The following BTG4 variants were observed in gnomAD, a reference collection of about 807,000 sequenced individuals.
BTG4 encodes the protein BTG anti-proliferation factor 4, also known as protein BTG4.
In BTG4, 10 loss-of-function variants were observed where a neutral mutation model predicts 19.3. The observed-to-expected ratio is 0.52, with a 90% CI of 0.32 to 0.88. The LOEUF is 0.88. BTG4 is among the 40% of genes least tolerant of loss of function. The pLI is 0.04. For synonymous variants in BTG4, 91 were observed against 95.7 expected (o/e 0.95, Z 0.29); for missense variants, 238 against 281.9 (o/e 0.84, Z 1.11).
the BTG4 span, among the ~76,000 whole-genome samples, chr11:111,411,440 A>T: frequency 3.3e-5 from 5 of 152,318 alleles, no homozygotes; most frequent in African/African-American, 1.2e-4. Flanking sequence ...CACTGAGCAG[A>T]TGTTGTCTTA....
chr11:111,513,120 G>C (rs532685999), upstream of BTG4: 98 of 403,158 alleles, frequency 2.4e-4, no homozygotes, highest in African/African-American at 1.9e-3. Flanking sequence ...CGTGGGTCCT[G>C]CGCAGCCTGC....
At chr11:111,456,570 G>A in the BTG4 span, 8 of 456,342 alleles carry the variant, frequency 1.8e-5, 1 homozygote, top group South Asian at 1.2e-4. This position sits in a 1 kb window ranked among gnomAD's most constrained non-coding sequence, Gnocchi z 4.2. Context: ...TCACCAAGTT[G>A]ATGGTCCCTG....
At chr11:111,475,477 A>G (rs1389405313) in intron 5 of BTG4, 10 of 151,280 alleles carry the variant, frequency 6.6e-5, no homozygotes, top group Admixed American at 6.6e-4. Flanking sequence ...TATATATATA[A>G]TATTTGGTGA....
the BTG4 span, among the ~76,000 whole-genome samples, chr11:111,406,637 G>A: frequency 0.013 from 1,913 of 152,284 alleles, 32 homozygotes; most frequent in African/African-American, 0.042. Context: ...AGCCCATTTA[G>A]TTGGACCAGA....
At chr11:111,472,033 G>C (rs1864097111) in intron 5 of BTG4, among the ~76,000 whole-genome samples, 1 of 152,096 alleles carries the variant, frequency 6.6e-6, no homozygotes, top group Non-Finnish European at 1.5e-5. Flanking sequence ...GGCCACCATT[G>C]CCTCTTGCCC....
chr11:111,404,967 T>C, the BTG4 span, among the ~76,000 whole-genome samples: 2 of 152,240 alleles, frequency 1.3e-5, no homozygotes, highest in African/African-American at 4.8e-5. Flanking sequence ...ATACAGACCA[T>C]AATCCTGCTT....
At chr11:111,430,979 G>T in the BTG4 span, among the ~76,000 whole-genome samples, 1 of 152,202 alleles carries the variant, frequency 6.6e-6, no homozygotes, top group Non-Finnish European at 1.5e-5. Context: ...CAGTCACCAC[G>T]TATACAAAAG....
At chr11:111,412,030 C>T in the BTG4 span, among the ~76,000 whole-genome samples, 5 of 152,096 alleles carry the variant, frequency 3.3e-5, no homozygotes, top group Non-Finnish European at 5.9e-5. Flanking sequence ...GAGAAGGCAA[C>T]GGTGTCAAAT....
chr11:111,401,053 T>TAAAAAAA, the BTG4 span: 51 of 82,078 alleles, frequency 6.2e-4, no homozygotes, highest in African/African-American at 1.8e-3. Context: ...ACCTGGAGCA[T>TAAAAAAA]AAAAAAAAAA....
chr11:111,411,532 C>G, the BTG4 span, among the ~76,000 whole-genome samples: 1 of 152,176 alleles, frequency 6.6e-6, no homozygotes, highest in Non-Finnish European at 1.5e-5. Flanking sequence ...AATCCCTTAA[C>G]GTGCTTTCTT....
At chr11:111,421,211 G>A in the BTG4 span, among the ~76,000 whole-genome samples, 1 of 152,172 alleles carries the variant, frequency 6.6e-6, no homozygotes, top group Non-Finnish European at 1.5e-5. Flanking sequence ...CTATCTAAAG[G>A]GTTTTTATCT....
chr11:111,446,755 C>A, the BTG4 span, among the ~76,000 whole-genome samples: 1 of 152,058 alleles, frequency 6.6e-6, no homozygotes, highest in Non-Finnish European at 1.5e-5. Flanking sequence ...TCTGGACAAA[C>A]AAAGGCAAAG....
At chr11:111,457,724 C>T in the BTG4 span, 1 of 152,248 alleles carries the variant, frequency 6.6e-6, no homozygotes, top group Non-Finnish European at 1.5e-5. Context: ...TCCCTCTCCC[C>T]CTCCTCCTTC....
At chr11:111,506,921 C>CTGTAGA (rs1555119448) in intron 1 of BTG4, among the ~76,000 whole-genome samples, 1 of 151,868 alleles carries the variant, frequency 6.6e-6, no homozygotes, top group Non-Finnish European at 1.5e-5. Flanking sequence ...TTTCAAGAAA[C>CTGTAGA]TATAGAGGAG....
At chr11:111,456,576 C>A in the BTG4 span, 3 of 456,012 alleles carry the variant, frequency 6.6e-6, 1 homozygote, top group Non-Finnish European at 8.8e-6. The surrounding 1 kb of genome is among the most constrained non-coding windows in gnomAD (Gnocchi z 4.2). Context: ...AGTTGATGGT[C>A]CCTGGCCCCA....
At chr11:111,424,058 T>TGA in the BTG4 span, among the ~76,000 whole-genome samples, 1 of 152,156 alleles carries the variant, frequency 6.6e-6, no homozygotes, top group Non-Finnish European at 1.5e-5. Context: ...TGAAGGGAAA[T>TGA]GAGCACAGGC....
the BTG4 span, among the ~76,000 whole-genome samples, chr11:111,386,799 A>G: frequency 6.6e-6 from 1 of 152,266 alleles, no homozygotes; most frequent in African/African-American, 2.4e-5. Flanking sequence ...TGTTGCCTTC[A>G]GGCAATTTCC....
At chr11:111,437,627 G>C in the BTG4 span, among the ~76,000 whole-genome samples, 1 of 152,094 alleles carries the variant, frequency 6.6e-6, no homozygotes, top group East Asian at 1.9e-4. Context: ...CATCCTCACC[G>C]CCTTGCCTGA....
the BTG4 span, chr11:111,386,073 A>T: frequency 6.6e-6 from 1 of 152,166 alleles, no homozygotes; most frequent in Non-Finnish European, 1.5e-5. Context: ...TGGAGGTTGG[A>T]GGATTGCTGG....
Sources: gnomAD v4.1 joint callset for allele counts (sites outside exome capture counted in the v4.1 genomes callset) on GRCh38, gnomAD v4.1.1 for gene constraint, Gnocchi (gnomAD v3.1) non-coding constraint, MANE v1.5 for transcripts, NCBI Gene and HGNC (gene_info 2026-07-23, HGNC 2026-07-21) for gene names.